The following PPM1B variants were observed in gnomAD, a reference collection of about 807,000 sequenced individuals.
The protein encoded by PPM1B is protein phosphatase, Mg2+/Mn2+ dependent 1B.
A neutral mutation model predicts 43.0 loss-of-function variants in PPM1B; 22 were observed. The ratio of observed to expected loss-of-function variants is 0.51; its 90% CI spans 0.37 to 0.73. The LOEUF (loss-of-function observed/expected upper bound fraction) is 0.73. PPM1B is among the 30% of genes least tolerant of loss of function. The probability of loss-of-function intolerance (pLI) is 0.00; values close to 1 mark genes in which losing one functional copy is unlikely to be tolerated. For synonymous variants in PPM1B, 217 were observed against 197.9 expected, an observed-to-expected ratio of 1.10 and a Z score of -0.81; for missense variants, 632 against 584.2, an observed-to-expected ratio of 1.08 and a Z score of -0.84.
At chr2:44,210,563 A>G (rs562418729) in intron 3 of PPM1B, among the ~76,000 whole-genome samples, 1 of 152,082 alleles carries the variant, frequency 6.6e-6, no homozygotes. Flanking sequence ...GTATTACAGG[A>G]TCTCCCATGT....
chr2:44,222,776 G>T (rs1670032970), intron 5 of PPM1B, among the ~76,000 whole-genome samples: 1 of 152,082 alleles, frequency 6.6e-6, no homozygotes, highest in South Asian at 2.1e-4. Flanking sequence ...TGTCTACCAT[G>T]CAGGAAAAAT....
chr2:44,193,984 G>A (rs1410523662), intron 1 of PPM1B, among the ~76,000 whole-genome samples: 1 of 152,084 alleles, frequency 6.6e-6, no homozygotes, highest in Non-Finnish European at 1.5e-5. Context: ...AAAGCCCTGG[G>A]GTTGCAGGCA....
At chr2:44,235,759 C>T (rs1280278899), downstream of PPM1B, among the ~76,000 whole-genome samples, 1 of 151,856 alleles carries the variant, frequency 6.6e-6, no homozygotes, top group Non-Finnish European at 1.5e-5. Flanking sequence ...AGTACTCTAG[C>T]ATGGTGTCAC....
chr2:44,194,049 T>C (rs2104088974), intron 1 of PPM1B, among the ~76,000 whole-genome samples: 1 of 152,348 alleles, frequency 6.6e-6, no homozygotes, highest in Non-Finnish European at 1.5e-5. Flanking sequence ...TGTTTGTTTG[T>C]TTTTAATATC....
chr2:44,200,863 G>GT (rs1558407552), intron 1 of PPM1B, among the ~76,000 whole-genome samples: 2 of 152,116 alleles, frequency 1.3e-5, no homozygotes, highest in Non-Finnish European at 2.9e-5. Context: ...TTTATTTCTT[G>GT]TTTTTTCCTT....
chr2:44,183,359 C>T (rs1308115959), intron 1 of PPM1B, among the ~76,000 whole-genome samples: 1 of 152,196 alleles, frequency 6.6e-6, no homozygotes, highest in Non-Finnish European at 1.5e-5. Flanking sequence ...CACATTTTGC[C>T]TTGAACATTC....
chr2:44,239,014 CA>C (rs1670690005), downstream of PPM1B, among the ~76,000 whole-genome samples: 1 of 151,032 alleles, frequency 6.6e-6, no homozygotes, highest in South Asian at 2.1e-4. Flanking sequence ...GGAAAACAAA[CA>C]AAACAGAAAA....
Position 44,240,354 on chromosome 2 carries a change from C to G in PPM1B, n.1547-3874C>G, listed in dbSNP as rs150692466. ...GGACCATGTTGCTCACTCATTTTAA[C>G]CTATCACTCCCTTTCCTCCCCCTGT... On this transcript the variant is annotated intron_variant and non_coding_transcript_variant, in intron 5 of 5. Coordinates refer to the PPM1B transcript ENST00000378540. Among the ~76,000 whole-genome samples, 434 of 146,002 alleles carry G rather than the reference C, an allele frequency of 3.0e-3. 28 individuals carry two copies. The highest frequency in any genetic ancestry group is 9.9e-3 in the African/African-American group (403 of 40,824).
chr2:44,172,686 G>C (rs1404176501), intron 1 of PPM1B, among the ~76,000 whole-genome samples: 4 of 152,198 alleles, frequency 2.6e-5, no homozygotes, highest in African/African-American at 9.7e-5. Context: ...CATTTTGGGA[G>C]GCTGAGGCAG....
chr2:44,194,679 C>A (rs1037365955), intron 1 of PPM1B, among the ~76,000 whole-genome samples: 3 of 151,284 alleles, frequency 2.0e-5, no homozygotes, highest in Non-Finnish European at 4.4e-5. Flanking sequence ...GCCGAGATCG[C>A]GCTACTGCAC....
At chr2:44,180,812 G>A (rs1448684615) in intron 1 of PPM1B, among the ~76,000 whole-genome samples, 1 of 151,712 alleles carries the variant, frequency 6.6e-6, no homozygotes, top group Non-Finnish European at 1.5e-5. Flanking sequence ...ATTTTATTTA[G>A]TACCTACTAG....
chr2:44,223,677 G>A (rs959439641), intron 5 of PPM1B, among the ~76,000 whole-genome samples: 4 of 151,782 alleles, frequency 2.6e-5, no homozygotes, highest in East Asian at 1.9e-4. Flanking sequence ...TTAGCCAGGC[G>A]TGGTGGTGGG....
chr2:44,179,589 A>G (rs976267048), intron 1 of PPM1B, among the ~76,000 whole-genome samples: 1 of 152,248 alleles, frequency 6.6e-6, no homozygotes, highest in Admixed American at 6.5e-5. Context: ...TCTTACAGGC[A>G]TAAATATGGA....
At chr2:44,199,323 A>T (rs1471925225) in intron 1 of PPM1B, among the ~76,000 whole-genome samples, 2 of 97,868 alleles carry the variant, frequency 2.0e-5, no homozygotes, top group Non-Finnish European at 4.3e-5. Flanking sequence ...AAAAATAAAA[A>T]TAAAAAAAAA....
intron 1 of PPM1B, among the ~76,000 whole-genome samples, chr2:44,192,468 G>A (rs1209383189): frequency 3.3e-5 from 5 of 151,988 alleles, no homozygotes; most frequent in African/African-American, 7.3e-5. Flanking sequence ...TGCCTGCCTC[G>A]GCCTCCCAAA....
At chr2:44,220,684 T>G (rs1165187171) in intron 5 of PPM1B, among the ~76,000 whole-genome samples, 1 of 152,186 alleles carries the variant, frequency 6.6e-6, no homozygotes, top group Non-Finnish European at 1.5e-5. Context: ...CCTTAAATGA[T>G]CAAAATATTT....
intron 2 of PPM1B, 150 bp from the exon 3 acceptor site, chr2:44,209,060 T>G: frequency 1.5e-6 from 1 of 685,234 alleles, no homozygotes; most frequent in African/African-American, 1.8e-5. Flanking sequence ...TCAAGTTGTG[T>G]TTTTAGTAAT....
chr2:44,210,831 G>C (rs1558416836), intron 3 of PPM1B, among the ~76,000 whole-genome samples: 2 of 152,014 alleles, frequency 1.3e-5, no homozygotes, highest in African/African-American at 4.8e-5. Flanking sequence ...CATAACTGTA[G>C]TATATCCATA....
chr2:44,176,238 A>G (rs1667575819), intron 1 of PPM1B, among the ~76,000 whole-genome samples: 1 of 152,250 alleles, frequency 6.6e-6, no homozygotes, highest in East Asian at 1.9e-4. Context: ...AGGTGGAACA[A>G]TAGGAGAAGG....
Sources: allele counts gnomAD v4.1 joint callset (sites outside exome capture counted in the v4.1 genomes callset), GRCh38; gene constraint gnomAD v4.1.1; transcripts MANE v1.5; gene names NCBI Gene and HGNC (gene_info 2026-07-23, HGNC 2026-07-21).